The following MCM10 variants were observed in gnomAD, a reference collection of about 807,000 sequenced individuals.
MCM10 encodes minichromosome maintenance 10 replication initiation factor, also known as protein MCM10 homolog.
In MCM10, 91 loss-of-function variants were observed where a neutral mutation model predicts 109.9. That is an observed-to-expected ratio of 0.83 (90% CI 0.70 to 0.99). The LOEUF (loss-of-function observed/expected upper bound fraction) is 0.99, where lower values mean the gene tolerates loss of function less well. Among genes scored for constraint, MCM10 ranks in the 50% least tolerant of loss-of-function variants. The pLI is 0.00. For synonymous variants in MCM10, 380 were observed against 387.2 expected (o/e 0.98, Z 0.22); for missense variants, 1,077 against 1,061.2 (o/e 1.01, Z -0.21).
intron 8 of MCM10, among the ~76,000 whole-genome samples, chr10:13,183,893 T>C (rs1295895458): frequency 2.0e-5 from 3 of 152,146 alleles, no homozygotes; most frequent in Admixed American, 6.5e-5. Context: ...AGTTTCGCTC[T>C]TGTTGCCTAG....
intron 15 of MCM10, 70 bp downstream of exon 15, chr10:13,197,837 A>G: frequency 6.7e-7 from 1 of 1,491,632 alleles, no homozygotes; most frequent in Non-Finnish European, 9.1e-7. Flanking sequence ...CTAAACCCAA[A>G]CCAGCACCCA....
chr10:13,202,704 AC>A (rs1027710109), intron 17 of MCM10, among the ~76,000 whole-genome samples: 4 of 152,060 alleles, frequency 2.6e-5, no homozygotes, highest in African/African-American at 9.7e-5. Flanking sequence ...ATTGCATTTC[AC>A]CCTAGATGAC....
intron 2 of MCM10, among the ~76,000 whole-genome samples, chr10:13,165,285 T>G (rs1833980917): frequency 6.6e-6 from 1 of 152,236 alleles, no homozygotes; most frequent in Admixed American, 6.5e-5. Flanking sequence ...AAGTATCTAT[T>G]GCACTCTCAA....
intron 13 of MCM10, among the ~76,000 whole-genome samples, chr10:13,194,822 C>T (rs1834393945): frequency 6.6e-6 from 1 of 152,156 alleles, no homozygotes; most frequent in Non-Finnish European, 1.5e-5. Context: ...AGGACAATTA[C>T]AGCTTATTCA....
chr10:13,199,966 T>C (rs1335243126), intron 16 of MCM10, among the ~76,000 whole-genome samples: 2 of 151,980 alleles, frequency 1.3e-5, no homozygotes, highest in East Asian at 1.9e-4. Context: ...GGCTAGATAA[T>C]GTACTTTTGG....
chr10:13,172,742 G>A lies in MCM10; in HGVS notation c.569G>A (p.Arg190Gln), dbSNP rs747534837. The A allele has an allele frequency of 9.3e-6, 15 of 1,613,982 alleles. No homozygotes were observed. The highest frequency in any genetic ancestry group is 4.0e-5 in the African/African-American group (3 of 74,902). The change falls in exon 5 of 20, where the codon CGA becomes CAA. Residue 190 changes from arginine (R) to glutamine (Q), a missense_variant. By Grantham distance (43) the Arg-to-Gln change is conservative. Transcript: ENST00000378714. The surrounding 1 kb of genome is among the most constrained non-coding windows in gnomAD (Gnocchi z 5.2). ...CTACCAAGAACCAAGAGGGTGGCTC[G>A]AACACCAAAGGCTTCACCTCCAGGT... The part of the protein sequence containing the change: ...PALPRTKRVA[R>Q]TPKASPPDPK...
At chr10:13,192,764 CA>C (rs3215773) in intron 13 of MCM10, among the ~76,000 whole-genome samples, 196 bp downstream of exon 13, 25,899 of 152,050 alleles carry the variant, frequency 0.17, 2,352 homozygotes, top group South Asian at 0.2. Flanking sequence ...CTCCCAACAC[CA>C]AATGGTACAG....
Position 13,189,085 on chromosome 10 carries a change from G to A in MCM10, c.1415+5G>A, listed in dbSNP as rs1834314489. 1 of 1,614,178 alleles carries A rather than the reference G, an allele frequency of 6.2e-7. No individual in the cohort carries two copies. Among genetic ancestry groups the A allele is most frequent in the Non-Finnish European group, 8.5e-7 (1 of 1,180,020 alleles). ...TGCCTCGTATGCAGCTTCAATGTAA[G>A]ACGTTCTCGGGCTTCTTTTGGGCAG... is the stretch of plus-strand genomic sequence containing the variant. On this transcript the variant is annotated splice_donor_5th_base_variant and intron_variant, in intron 10 of 19. Transcript: ENST00000378714.
intron 8 of MCM10, among the ~76,000 whole-genome samples, chr10:13,184,055 A>G (rs1419422641): frequency 6.6e-6 from 1 of 151,828 alleles, no homozygotes; most frequent in Admixed American, 6.6e-5. Flanking sequence ...GACGAGTTTT[A>G]CCATGTTGGC....
At chr10:13,164,374 G>A (rs1044400354) in intron 2 of MCM10, among the ~76,000 whole-genome samples, 165 bp downstream of exon 2, 4 of 152,326 alleles carry the variant, frequency 2.6e-5, no homozygotes, top group Admixed American at 6.5e-5. Flanking sequence ...GTCACTGAAT[G>A]TTACTTGCTT....
In MCM10 at chr10:13,195,068, G is replaced by C. The variant is rs760291972; in HGVS notation, c.1773G>C (p.Glu591Asp). The C allele has an allele frequency of 3.7e-6, 6 of 1,613,910 alleles. No homozygotes were observed. The highest frequency in any genetic ancestry group is 1.1e-5 in the South Asian group (1 of 91,006). Reference protein sequence around the residue: ...KRFLQSSSEVESPAVPSSSRQ... With the variant: ...KRFLQSSSEVDSPAVPSSSRQ... The stretch of plus-strand genomic sequence containing the variant: ...TTCTGCAGAGCTCAAGTGAAGTTGA[G>C]AGCCCAGCTGTGCCATCTTCATCAA... Residue 591 changes from glutamate (E) to aspartate (D), a missense_variant, in exon 14 of 20, where the codon GAG (glutamate) becomes GAC (aspartate). By Grantham distance (45) the Glu-to-Asp change is conservative (BLOSUM62 2). Transcript: ENST00000378714.
intron 6 of MCM10, among the ~76,000 whole-genome samples, chr10:13,177,302 A>G (rs891779636): frequency 2.0e-5 from 3 of 152,214 alleles, no homozygotes; most frequent in Non-Finnish European, 4.4e-5. Context: ...TCTAAAGGAC[A>G]TATTAATAGA....
In MCM10 at chr10:13,175,630, G is replaced by A. The variant is rs149862883; in HGVS notation, c.713G>A (p.Gly238Glu). The A allele has an allele frequency of 5.1e-5, 82 of 1,613,598 alleles. No individual in the cohort carries two copies. The African/African-American group carries it at 1.0e-3, about 20-fold the overall frequency. The change falls in exon 6 of 20, where the codon GGG (glycine) becomes GAG (glutamate). Residue 238 changes from glycine (G) to glutamate (E), a missense_variant. Transcript: ENST00000378714. The part of the protein sequence containing the change: ...GQIVGTPGSS[G>E]ETTQPICVEA... ...ATTGTGGGGACCCCAGGAAGTTCTG[G>A]GGAAACGACTCAACCCATCTGTGTG...
At chr10:13,194,972 C>A in intron 13 of MCM10, 69 bp from the exon 14 acceptor site, 1 of 1,434,696 alleles carries the variant, frequency 7.0e-7, no homozygotes, top group Admixed American at 2.0e-5. Flanking sequence ...CCTCCCAGTC[C>A]ACTTTGAGTT....
intron 13 of MCM10, among the ~76,000 whole-genome samples, chr10:13,194,641 C>T (rs1308994344): frequency 6.6e-6 from 1 of 152,198 alleles, no homozygotes; most frequent in Admixed American, 6.5e-5. Context: ...TGTATTGTCT[C>T]TTCCCAGTAG....
chr10:13,190,412 A>C (rs920445008), intron 10 of MCM10, among the ~76,000 whole-genome samples: 4 of 152,238 alleles, frequency 2.6e-5, no homozygotes, highest in African/African-American at 9.6e-5. Context: ...GGCCAGGCAC[A>C]GTGGCTTACA....
chr10:13,173,469 G>C (rs1564382378), intron 5 of MCM10, among the ~76,000 whole-genome samples: 1 of 152,164 alleles, frequency 6.6e-6, no homozygotes, highest in Non-Finnish European at 1.5e-5. Context: ...TACAGTCCTA[G>C]TTCAGCACAC....
At chr10:13,171,450 AC>A (rs1465394045) in intron 3 of MCM10, among the ~76,000 whole-genome samples, 187 bp downstream of exon 3, 1 of 152,226 alleles carries the variant, frequency 6.6e-6, no homozygotes, top group Non-Finnish European at 1.5e-5. Context: ...TTCAGCACAA[AC>A]TATAGACTCT....
chr10:13,167,987 T>C (rs987738672), intron 2 of MCM10, among the ~76,000 whole-genome samples: 1 of 152,004 alleles, frequency 6.6e-6, no homozygotes, highest in Non-Finnish European at 1.5e-5. Flanking sequence ...GAAGACATGA[T>C]TTTTGGTGGT....
Sources: gnomAD v4.1 joint callset for allele counts (sites outside exome capture counted in the v4.1 genomes callset) on GRCh38, gnomAD v4.1.1 for gene constraint, Gnocchi (gnomAD v3.1) non-coding constraint, MANE v1.5 for transcripts, NCBI Gene and HGNC (gene_info 2026-07-23, HGNC 2026-07-21) for gene names.